NCK2: variants seen among roughly 807,000 people sequenced by gnomAD.
The protein encoded by NCK2 is NCK adaptor protein 2, also known as cytoplasmic protein NCK2.
NCK2 carries 16 observed loss-of-function variants against 33.9 expected under a neutral mutation model. That is an observed-to-expected ratio of 0.47 (90% CI 0.32 to 0.72). The LOEUF is 0.72. NCK2 is among the 30% of genes least tolerant of loss of function. The pLI, the probability that NCK2 is intolerant of heterozygous loss-of-function variation, is 0.03. For missense variants in NCK2, 418 were observed against 537.3 expected, an observed-to-expected ratio of 0.78 and a Z score of 2.19; for synonymous variants, 273 against 239.9, an observed-to-expected ratio of 1.14 and a Z score of -1.27.
chr2:105,799,264 TAGGTTTAA>T (rs1046258050), intron 1 of NCK2, among the ~76,000 whole-genome samples: 4 of 103,620 alleles, frequency 3.9e-5, no homozygotes, highest in African/African-American at 1.0e-4. Context: ...ATTTGAGTCC[TAGGTTTAA>T]AAAAAAAAAG....
chr2:105,830,693 G>GTGTGTGTA lies in NCK2; in HGVS notation c.-17+14087_-17+14088insATGTGTGT, dbSNP rs1553458069. Among the ~76,000 whole-genome samples, 228 of 148,038 alleles carry GTGTGTGTA rather than the reference G, an allele frequency of 1.5e-3. 1 individual carries two copies. Among genetic ancestry groups the GTGTGTGTA allele is most frequent in the African/African-American group, 5.6e-3 (218 of 39,132 alleles). ...TTGGTGTGTGTGTGTGTGTGTGTGT[G>GTGTGTGTA]TGTGTGTGTGTGTGTGTGTGTGTTT... On this transcript the variant is annotated intron_variant, in intron 2 of 4. Transcript: ENST00000233154.
At chr2:105,780,885 A>G (rs750336837) in intron 1 of NCK2, among the ~76,000 whole-genome samples, 5 of 152,190 alleles carry the variant, frequency 3.3e-5, no homozygotes, top group Non-Finnish European at 7.3e-5. Context: ...TCCAGCTTCC[A>G]CAACTGTGGG....
intron 2 of NCK2, among the ~76,000 whole-genome samples, chr2:105,839,787 C>A (rs1038926560): frequency 1.3e-5 from 2 of 152,076 alleles, no homozygotes; most frequent in Non-Finnish European, 1.5e-5. Flanking sequence ...GCCAAGAGGG[C>A]GGATGGAGGG....
intron 3 of NCK2, among the ~76,000 whole-genome samples, chr2:105,876,271 CTT>C (rs1292872075): frequency 6.6e-6 from 1 of 152,220 alleles, no homozygotes; most frequent in African/African-American, 2.4e-5. Flanking sequence ...CATTTCATCT[CTT>C]GTCTCAAGTC....
At chr2:105,760,696 T>A (rs540023741) in intron 1 of NCK2, among the ~76,000 whole-genome samples, 36 of 152,056 alleles carry the variant, frequency 2.4e-4, no homozygotes, top group African/African-American at 6.8e-4. Context: ...GAGAAACCAG[T>A]TACAGCTGAG....
At chr2:105,836,126 TGTTCTGTTATTAGAGAATTACTGTG>T (rs1676425156) in intron 2 of NCK2, among the ~76,000 whole-genome samples, 3 of 149,470 alleles carry the variant, frequency 2.0e-5, no homozygotes, top group African/African-American at 5.0e-5. Flanking sequence ...TCCTTTTCTT[TGTTCTGTTATTAGAGAATTACTGTG>T]TTTCTTTGGA....
chr2:105,813,048 C>A (rs137969463), intron 1 of NCK2, among the ~76,000 whole-genome samples: 1 of 152,316 alleles, frequency 6.6e-6, no homozygotes, highest in African/African-American at 2.4e-5. Context: ...TCGTGGTGAT[C>A]TTTGTCAGGA....
intron 2 of NCK2, among the ~76,000 whole-genome samples, chr2:105,843,266 A>G (rs1676719124): frequency 6.6e-6 from 1 of 151,948 alleles, no homozygotes; most frequent in African/African-American, 2.4e-5. Context: ...AATATGTGTG[A>G]CCCATCACAT....
At chr2:105,779,072 T>C (rs1007160475) in intron 1 of NCK2, among the ~76,000 whole-genome samples, 1 of 152,166 alleles carries the variant, frequency 6.6e-6, no homozygotes, top group Non-Finnish European at 1.5e-5. Flanking sequence ...TTTGGGAGGC[T>C]GAGGCAGGTG....
chr2:105,858,006 G>A (rs1310405199), intron 3 of NCK2, among the ~76,000 whole-genome samples: 2 of 151,088 alleles, frequency 1.3e-5, no homozygotes, highest in African/African-American at 4.9e-5. Context: ...AGTTGCATTT[G>A]TGTGTGTTTG....
At chr2:105,850,384 A>C (rs1216326012) in intron 2 of NCK2, among the ~76,000 whole-genome samples, 3 of 152,158 alleles carry the variant, frequency 2.0e-5, no homozygotes, top group Admixed American at 6.5e-5. Context: ...GAGCTGAGAA[A>C]GTTTTTATAC....
chr2:105,866,879 G>T (rs1265231607), intron 3 of NCK2, among the ~76,000 whole-genome samples: 1 of 152,190 alleles, frequency 6.6e-6, no homozygotes, highest in Non-Finnish European at 1.5e-5. Flanking sequence ...TGCTTGGGAT[G>T]CTCAGTGTGG....
At chr2:105,821,148 T>C (rs970195524) in intron 2 of NCK2, among the ~76,000 whole-genome samples, 8 of 152,246 alleles carry the variant, frequency 5.3e-5, no homozygotes, top group African/African-American at 1.9e-4. Flanking sequence ...CAATTTTTCC[T>C]AGGGTGTGTA....
chr2:105,837,539 A>G (rs1348631054), intron 2 of NCK2, among the ~76,000 whole-genome samples: 1 of 152,084 alleles, frequency 6.6e-6, no homozygotes, highest in Non-Finnish European at 1.5e-5. Flanking sequence ...TCTCTTCTTT[A>G]ACTGTCATAA....
At chr2:105,809,952 G>C (rs939313673) in intron 1 of NCK2, among the ~76,000 whole-genome samples, 3 of 152,148 alleles carry the variant, frequency 2.0e-5, no homozygotes, top group Admixed American at 2.0e-4. Flanking sequence ...GGGAGCGAGC[G>C]GGACTCTGTT....
intron 1 of NCK2, among the ~76,000 whole-genome samples, chr2:105,810,535 T>C (rs1299685589): frequency 6.6e-6 from 1 of 152,258 alleles, no homozygotes; most frequent in East Asian, 1.9e-4. Context: ...TGTCACTACC[T>C]AGACAATGGC....
chr2:105,882,407 A>G (rs1429249008), intron 4 of NCK2, among the ~76,000 whole-genome samples: 3 of 152,078 alleles, frequency 2.0e-5, no homozygotes, highest in African/African-American at 4.8e-5. Context: ...CTTTGTTTCT[A>G]TTCGGTCTGT....
At chr2:105,789,707 G>A in intron 1 of NCK2, among the ~76,000 whole-genome samples, 1 of 152,210 alleles carries the variant, frequency 6.6e-6, no homozygotes, top group East Asian at 1.9e-4. Context: ...TCCCCGGCTT[G>A]TGATTCTCAA....
chr2:105,842,231 T>C (rs1200599770), intron 2 of NCK2, among the ~76,000 whole-genome samples: 1 of 151,996 alleles, frequency 6.6e-6, no homozygotes, highest in African/African-American at 2.4e-5. Flanking sequence ...GATTAAAGGA[T>C]GCACCACCAT....
Sources: gnomAD v4.1 joint callset for allele counts (sites outside exome capture counted in the v4.1 genomes callset) on GRCh38, gnomAD v4.1.1 for gene constraint, MANE v1.5 for transcripts, NCBI Gene and HGNC (gene_info 2026-07-23, HGNC 2026-07-21) for gene names.